KALRN: variants seen among roughly 807,000 people sequenced by gnomAD.
The protein encoded by KALRN is kalirin RhoGEF kinase.
KALRN carries 70 observed loss-of-function variants against 353.7 expected under a neutral mutation model. The ratio of observed to expected loss-of-function variants is 0.20; its 90% CI spans 0.16 to 0.24. The LOEUF (loss-of-function observed/expected upper bound fraction) is 0.24. KALRN is among the 10% of genes least tolerant of loss of function. KALRN has a pLI of 1.00. For missense variants in KALRN, 2,791 were observed against 3,756.7 expected, an observed-to-expected ratio of 0.74 and a Z score of 6.72; for synonymous variants, 1,391 against 1,434.8, an observed-to-expected ratio of 0.97 and a Z score of 0.69.
At chr3:124,223,655 G>T (rs1252665523) in intron 1 of KALRN, among the ~76,000 whole-genome samples, 1 of 152,204 alleles carries the variant, frequency 6.6e-6, no homozygotes, top group Non-Finnish European at 1.5e-5. Flanking sequence ...GTTGAAATCA[G>T]GAATGCTTTC....
At chr3:124,276,724 A>T (rs1469257299) in intron 5 of KALRN, among the ~76,000 whole-genome samples, 1 of 152,188 alleles carries the variant, frequency 6.6e-6, no homozygotes, top group East Asian at 1.9e-4. Flanking sequence ...TTACATAGTA[A>T]TCTTTGACCC....
chr3:124,167,167 C>T (rs2071001107), intron 1 of KALRN, among the ~76,000 whole-genome samples: 1 of 152,152 alleles, frequency 6.6e-6, no homozygotes, highest in Non-Finnish European at 1.5e-5. Context: ...CAGGGCTCTG[C>T]CTGAGCGACT....
rs561610666 is a variant in KALRN, at chr3:124,091,172, T to TTGATTCA, written c.73+57362_73+57368dup. On this transcript the variant is annotated intron_variant, in intron 1 of 59. Coordinates refer to ENST00000682506, the MANE Select transcript of KALRN (RefSeq NM_001388419.1). ...CTGAGGATGCTGTCTGCTGGAGTGTTTGATTCATGTTACAACTGAAGCACA... is the reference window on the plus strand; with the variant it reads ...CTGAGGATGCTGTCTGCTGGAGTGTTTGATTCATGATTCATGTTACAACTGAAGCACA... Among the ~76,000 whole-genome samples, 41 of 152,266 alleles carry TTGATTCA rather than the reference T, an allele frequency of 2.7e-4. No homozygotes were observed. The East Asian group carries it at 7.7e-3, about 29-fold the overall frequency.
At chr3:124,602,670 T>C (rs574331134) in intron 34 of KALRN, among the ~76,000 whole-genome samples, 5 of 152,226 alleles carry the variant, frequency 3.3e-5, no homozygotes, top group African/African-American at 1.2e-4. Context: ...TCAGGAGGGA[T>C]ATACTCCATC....
intron 33 of KALRN, among the ~76,000 whole-genome samples, chr3:124,507,298 T>C (rs369299352): frequency 3.9e-5 from 6 of 152,292 alleles, no homozygotes; most frequent in South Asian, 2.1e-4. Flanking sequence ...ACTGCATTAA[T>C]TTAAAAAATT....
At chr3:124,617,905 A>G (rs2078798788) in intron 34 of KALRN, among the ~76,000 whole-genome samples, 1 of 152,112 alleles carries the variant, frequency 6.6e-6, no homozygotes, top group Non-Finnish European at 1.5e-5. Context: ...ACTATTGATG[A>G]AGTTTTGAAT....
chr3:124,427,031 G>A (rs1426395847), intron 15 of KALRN, among the ~76,000 whole-genome samples: 1 of 152,150 alleles, frequency 6.6e-6, no homozygotes, highest in Non-Finnish European at 1.5e-5. Flanking sequence ...ACCAAATGCT[G>A]GCCAAAATTT....
chr3:124,071,430 C>G (rs2060015269), intron 1 of KALRN, among the ~76,000 whole-genome samples: 1 of 152,202 alleles, frequency 6.6e-6, no homozygotes, highest in Non-Finnish European at 1.5e-5. Flanking sequence ...GGCTCCAAAG[C>G]TTGGGTTCTT....
chr3:124,661,012 C>T (rs1338942061), intron 44 of KALRN, 39 bp downstream of exon 44: 63 of 1,440,064 alleles, frequency 4.4e-5, no homozygotes, highest in Non-Finnish European at 6.1e-5. Context: ...TTCTTAGGGA[C>T]CATATTGGAT....
intron 1 of KALRN, among the ~76,000 whole-genome samples, chr3:124,065,124 TGAGTG>T (rs1296387319): frequency 6.6e-6 from 1 of 152,102 alleles, no homozygotes; most frequent in Admixed American, 6.5e-5. Context: ...ATACCAGAAT[TGAGTG>T]GAAGGAGTTC....
chr3:124,322,654 G>A (rs1339309085), intron 6 of KALRN, among the ~76,000 whole-genome samples: 1 of 152,184 alleles, frequency 6.6e-6, no homozygotes, highest in Non-Finnish European at 1.5e-5. Flanking sequence ...CCACACAAAT[G>A]GATTGACCAA....
Position 124,694,414 on chromosome 3 carries a change from G to A in KALRN, c.7488G>A (p.Gly2496=). The part of the protein sequence containing the change: ...DTVILQCKVC[G]RPKPTITWKG... Reference sequence around the variant, plus strand: ...TGATACTGCAGTGCAAAGTCTGTGGGCGGCCAAAGCCCACCATCACTTGGA... The same window carrying A: ...TGATACTGCAGTGCAAAGTCTGTGGACGGCCAAAGCCCACCATCACTTGGA... Residue 2496 remains glycine (G), a synonymous_variant, in exon 53 of 60, where the codon GGG becomes GGA. Coordinates refer to ENST00000682506, the MANE Select transcript of KALRN (RefSeq NM_001388419.1). 6.2e-7 allele frequency: 1 copy of A among 1,614,216 alleles called. No individual in the cohort carries two copies. The highest frequency in any genetic ancestry group is 8.5e-7 in the Non-Finnish European group (1 of 1,180,032).
intron 34 of KALRN, among the ~76,000 whole-genome samples, chr3:124,583,693 A>T (rs559251408): frequency 6.6e-6 from 1 of 152,308 alleles, no homozygotes; most frequent in African/African-American, 2.4e-5. Context: ...TTACAAAAAG[A>T]AAAGGGGACA....
chr3:124,169,392 C>A (rs2150092851), intron 1 of KALRN, among the ~76,000 whole-genome samples: 1 of 152,202 alleles, frequency 6.6e-6, no homozygotes, highest in East Asian at 1.9e-4. Context: ...AGGGTAAGGG[C>A]TCACAGGAAT....
intron 57 of KALRN, among the ~76,000 whole-genome samples, chr3:124,711,552 T>G (rs1402753407): frequency 1.3e-5 from 2 of 152,110 alleles, no homozygotes; most frequent in Admixed American, 6.5e-5. Context: ...TGTCACCTCA[T>G]TGACCCTCCC....
chr3:124,222,790 A>G (rs2078062325), intron 1 of KALRN, among the ~76,000 whole-genome samples: 2 of 151,960 alleles, frequency 1.3e-5, no homozygotes, highest in African/African-American at 4.8e-5. Flanking sequence ...TTTTTTGTAT[A>G]GATAGGGTTT....
At chr3:124,456,784 A>G in intron 23 of KALRN, 56 bp downstream of exon 23, 3 of 1,197,928 alleles carry the variant, frequency 2.5e-6, no homozygotes, top group Non-Finnish European at 2.5e-6. Context: ...CTGGGCTTTC[A>G]CCGCTACTTG....
chr3:124,665,431 A>C (rs551177501), intron 45 of KALRN, among the ~76,000 whole-genome samples: 1 of 152,118 alleles, frequency 6.6e-6, no homozygotes, highest in African/African-American at 2.4e-5. Flanking sequence ...AATCATTTTT[A>C]TTTTTTTATT....
chr3:124,544,735 T>A lies in KALRN; in HGVS notation c.4936-18108T>A, dbSNP rs964827913. On this transcript the variant is annotated intron_variant, in intron 33 of 59. Coordinates refer to ENST00000682506, the MANE Select transcript of KALRN (RefSeq NM_001388419.1). The stretch of plus-strand genomic sequence containing the variant: ...ACAAACTCCATGAGGGCAAAAGTGT[T>A]TGTTGTGTTCAGTGCTGTATCCCCA... Among the ~76,000 whole-genome samples the A allele has an allele frequency of 4.6e-5, 7 of 152,144 alleles. 1 individual carries two copies. In the East Asian group the frequency reaches 1.3e-3, roughly 29 times the overall value.
Sources: allele counts gnomAD v4.1 joint callset (sites outside exome capture counted in the v4.1 genomes callset), GRCh38; gene constraint gnomAD v4.1.1; transcripts MANE v1.5; gene names NCBI Gene and HGNC (gene_info 2026-07-23, HGNC 2026-07-21).